The following MARS1 variants were observed in gnomAD, a reference collection of about 807,000 sequenced individuals.
The protein encoded by MARS1 is methionine--tRNA ligase, cytoplasmic.
In MARS1, 80 loss-of-function variants were observed where a neutral mutation model predicts 119.5. That is an observed-to-expected ratio of 0.67 (90% CI 0.56 to 0.81). The LOEUF is 0.81. Among genes scored for constraint, MARS1 ranks in the 30% least tolerant of loss-of-function variants. The pLI, the probability that MARS1 is intolerant of heterozygous loss-of-function variation, is 0.00. For missense variants in MARS1, 945 were observed against 1,116.5 expected (o/e 0.85, Z 2.19); for synonymous variants, 418 against 433.4 (o/e 0.96, Z 0.44).
At position 57,500,469 on chromosome 12, in the gene MARS1, CG is replaced by C; in HGVS notation, c.1244del (p.Gly415ValfsTer81). 6.2e-7 allele frequency: 1 copy of C among 1,614,112 alleles called. No homozygotes were observed. Among genetic ancestry groups the C allele is most frequent in the African/African-American group, 1.3e-5 (1 of 75,012 alleles). ...TCCCTTCTGTGGCTATGAGGAGGCTCGGGGTGACCAGTGTGACAAGTGTGGC... is the reference window on the plus strand; with the variant it reads ...TCCCTTCTGTGGCTATGAGGAGGCTCGGGTGACCAGTGTGACAAGTGTGGC... Reference protein sequence around the residue: ...VCPFCGYEEARGDQCDKCGKL... With the variant: ...VCPFCGYEEAXGDQCDKCGKL... On this transcript the variant is annotated frameshift_variant, in exon 10 of 21. Coordinates refer to ENST00000262027, the MANE Select transcript of MARS1 (RefSeq NM_004990.4). LOFTEE classifies it high-confidence loss of function.
chr12:57,493,790 T>TATA (rs1491329963), intron 7 of MARS1, among the ~76,000 whole-genome samples: 67 of 1,850 alleles, frequency 0.036, 12 homozygotes, highest in Non-Finnish European at 0.05. Flanking sequence ...TATTATATAT[T>TATA]ATATATTATA....
Position 57,498,176 on chromosome 12 carries a change from A to T in MARS1, c.790A>T (p.Arg264Trp). 1 of 1,614,010 alleles carries T rather than the reference A, an allele frequency of 6.2e-7. No homozygotes were observed. Reference protein sequence around the residue: ...QNPVLPVAGERNVLITSALPY... With the variant: ...QNPVLPVAGEWNVLITSALPY... The stretch of plus-strand genomic sequence containing the variant: ...TACTAGGTTGCCTGTGGCTGGAGAA[A>T]GGAATGTGCTCATCACCAGTGCCCT... The change falls in exon 8 of 21, where the codon AGG becomes TGG. Residue 264 changes from arginine (R) to tryptophan (W), a missense_variant. Transcript: ENST00000262027.
At position 57,490,130 on chromosome 12, in the gene MARS1, CAAA is replaced by C. The variant is rs1023170912; in HGVS notation, c.491-76_491-74del. ...GGGGAAAGCAACTGGAGAAACCTCACAAAGAAGGGGAAAGATGCCCGCTCCTGC... is the reference window on the plus strand; with the variant it reads ...GGGGAAAGCAACTGGAGAAACCTCACGAAGGGGAAAGATGCCCGCTCCTGC... On this transcript the variant is annotated intron_variant, in intron 5 of 20. Transcript: ENST00000262027. 45 of 1,526,154 alleles carry C rather than the reference CAAA, an allele frequency of 2.9e-5. No homozygotes were observed. In the African/African-American group the frequency reaches 5.3e-4, roughly 18 times the overall value. The allele number at this position is 1,526,154 out of a possible 1,614,324, so 94.5% of individuals were successfully genotyped here. A position where few individuals can be genotyped will look rare whatever the true frequency, so the allele number is the denominator to read the frequency against.
chr12:57,508,229 C>T (rs868779409), intron 11 of MARS1, among the ~76,000 whole-genome samples: 5 of 152,326 alleles, frequency 3.3e-5, no homozygotes, highest in Middle Eastern at 3.4e-3. Context: ...GGTGGCCAGG[C>T]AGAGATGCTC....
chr12:57,506,257 TCAAAAAGA>T (rs892267171), intron 11 of MARS1, among the ~76,000 whole-genome samples: 9 of 151,876 alleles, frequency 5.9e-5, no homozygotes, highest in African/African-American at 2.2e-4. Flanking sequence ...AGACTCTGTA[TCAAAAAGA>T]AAAAAAGAAA....
chr12:57,505,189 T>G (rs1028764944), intron 11 of MARS1, among the ~76,000 whole-genome samples: 7 of 150,380 alleles, frequency 4.7e-5, no homozygotes, highest in African/African-American at 1.7e-4. Context: ...GAGATGGAGC[T>G]TCTCTCTTGT....
Position 57,498,291 on chromosome 12 carries a change from G to T in MARS1, c.887+18G>T. 6.2e-7 allele frequency: 1 copy of T among 1,608,470 alleles called. No homozygotes were observed. The highest frequency in any genetic ancestry group is 1.3e-5 in the African/African-American group (1 of 74,898). ...TTTGCCAGGTGGAGCCAGCTGCTCG[G>T]GGAGAGACCTCCTAAGGGAAGGGCG... On this transcript the variant is annotated intron_variant, in intron 8 of 20. Transcript: ENST00000262027.
In MARS1 at chr12:57,498,432, C is replaced by G. The variant is rs369478453; in HGVS notation, c.900C>G (p.Leu300=). The change falls in exon 9 of 21, where the codon CTC becomes CTG. Residue 300 remains leucine (L), a synonymous_variant. Coordinates refer to ENST00000262027, the MANE Select transcript of MARS1 (RefSeq NM_004990.4). Reference sequence around the variant, plus strand: ...TATTCCCTTGCAGGTACTCTCGCCTCCGCCAGTGGAACACCCTCTATCTGT... The same window carrying G: ...TATTCCCTTGCAGGTACTCTCGCCTGCGCCAGTGGAACACCCTCTATCTGT... ...SADVFARYSR[L]RQWNTLYLCG... The G allele has an allele frequency of 1.9e-6, 3 of 1,613,858 alleles. No individual in the cohort carries two copies. The highest frequency in any genetic ancestry group is 1.7e-5 in the Admixed American group (1 of 60,012).
chr12:57,491,516 C>T (rs903974666), intron 7 of MARS1, among the ~76,000 whole-genome samples: 1 of 152,076 alleles, frequency 6.6e-6, no homozygotes, highest in Non-Finnish European at 1.5e-5. Flanking sequence ...TCTTTGAATC[C>T]ACCCCTTCTC....
chr12:57,498,044 TAC>T, intron 7 of MARS1, 111 bp from the exon 8 acceptor site: 5 of 730,780 alleles, frequency 6.8e-6, no homozygotes, highest in Non-Finnish European at 9.8e-6. Flanking sequence ...ACTTCAAGTG[TAC>T]ATGAACACAT....
intron 7 of MARS1, among the ~76,000 whole-genome samples, chr12:57,493,477 T>C (rs1326480332): frequency 1.7e-3 from 1 of 574 alleles, no homozygotes; most frequent in African/African-American, 1.9e-3. Context: ...TAATATATAA[T>C]ATATAATATA....
chr12:57,504,187 T>G (rs981849263), intron 10 of MARS1, 38 bp from the exon 11 acceptor site: 1 of 1,509,774 alleles, frequency 6.6e-7, no homozygotes, highest in Non-Finnish European at 9.2e-7. Context: ...TCCCCTGGCC[T>G]GCAGGCCTGA....
intron 11 of MARS1, among the ~76,000 whole-genome samples, chr12:57,505,907 G>T (rs1312023976): frequency 6.6e-6 from 1 of 151,740 alleles, no homozygotes; most frequent in South Asian, 2.1e-4. Flanking sequence ...TGAGCCTAGG[G>T]GTTTGAGACC....
At chr12:57,497,973 A>C (rs1356217218) in intron 7 of MARS1, among the ~76,000 whole-genome samples, 184 bp from the exon 8 acceptor site, 1 of 152,144 alleles carries the variant, frequency 6.6e-6, no homozygotes, top group African/African-American at 2.4e-5. Context: ...CTGTATTTGC[A>C]TCTCTGGGGA....
intron 11 of MARS1, among the ~76,000 whole-genome samples, chr12:57,509,413 T>G (rs1877401576): frequency 6.6e-6 from 1 of 152,074 alleles, no homozygotes; most frequent in Admixed American, 6.6e-5. Flanking sequence ...TTTTGTTGTT[T>G]GTTTGTTTGT....
chr12:57,490,787 T>C, intron 7 of MARS1, 143 bp downstream of exon 7: 1 of 608,178 alleles, frequency 1.6e-6, no homozygotes, highest in Non-Finnish European at 2.8e-6. Context: ...TCTCTTTTTT[T>C]TTTTTTTTTT....
intron 10 of MARS1, among the ~76,000 whole-genome samples, chr12:57,502,733 C>CA (rs1386554638): frequency 5.0e-4 from 69 of 137,312 alleles, no homozygotes; most frequent in East Asian, 4.4e-3. Context: ...GCAACAACAA[C>CA]AAAAAAAAAA....
At chr12:57,507,120 T>C (rs1255166546) in intron 11 of MARS1, among the ~76,000 whole-genome samples, 7 of 151,004 alleles carry the variant, frequency 4.6e-5, no homozygotes, top group Admixed American at 6.6e-5. Context: ...TTAATCCATT[T>C]AACCCTGAGT....
intron 11 of MARS1, among the ~76,000 whole-genome samples, chr12:57,505,001 G>A (rs1007290332): frequency 2.0e-5 from 3 of 151,052 alleles, no homozygotes; most frequent in African/African-American, 7.3e-5. Context: ...ACCGCACTGG[G>A]CCACCTGACT....
Sources: allele counts gnomAD v4.1 joint callset (sites outside exome capture counted in the v4.1 genomes callset), GRCh38; gene constraint gnomAD v4.1.1; transcripts MANE v1.5; gene names NCBI Gene and HGNC (gene_info 2026-07-23, HGNC 2026-07-21).